Variants in ADAMTS12 observed in about 807,000 individuals in gnomAD.
The protein encoded by ADAMTS12 is A disintegrin and metalloproteinase with thrombospondin motifs 12.
A neutral mutation model predicts 167.8 loss-of-function variants in ADAMTS12; 118 were observed. That is an observed-to-expected ratio of 0.70 (90% CI 0.61 to 0.82). The LOEUF (loss-of-function observed/expected upper bound fraction) is 0.82, where lower values mean the gene tolerates loss of function less well. Ranked by LOEUF, ADAMTS12 falls within the 40% of genes least tolerant of loss-of-function variation. The pLI, the probability that ADAMTS12 is intolerant of heterozygous loss-of-function variation, is 0.00. For synonymous variants in ADAMTS12, 704 were observed against 716.9 expected, an observed-to-expected ratio of 0.98 and a Z score of 0.29; for missense variants, 1,916 against 1,998.8, an observed-to-expected ratio of 0.96 and a Z score of 0.79.
chr5:33,546,466 A>AGATTTAGATTTTTTATAAT (rs1178941716), intron 21 of ADAMTS12, among the ~76,000 whole-genome samples: 1 of 152,166 alleles, frequency 6.6e-6, no homozygotes, highest in Non-Finnish European at 1.5e-5. Flanking sequence ...AAAAGTCAGA[A>AGATTTAGATTTTTTATAAT]GATTTAGATT....
intron 14 of ADAMTS12, among the ~76,000 whole-genome samples, chr5:33,620,958 T>C (rs1739294743): frequency 6.6e-6 from 1 of 152,180 alleles, no homozygotes; most frequent in African/African-American, 2.4e-5. Flanking sequence ...GCTTAGCAAA[T>C]CAATTTTCTT....
chr5:33,682,787 T>C (rs943483948), intron 5 of ADAMTS12, among the ~76,000 whole-genome samples: 1 of 152,210 alleles, frequency 6.6e-6, no homozygotes, highest in Non-Finnish European at 1.5e-5. Context: ...TGTTATTAGA[T>C]ACAATGACTG....
intron 2 of ADAMTS12, among the ~76,000 whole-genome samples, chr5:33,804,344 C>T (rs1561281146): frequency 1.3e-5 from 2 of 152,222 alleles, no homozygotes; most frequent in South Asian, 2.1e-4. Flanking sequence ...GTGGTGCTCA[C>T]CTTCTGCACC....
At chr5:33,665,781 T>C (rs1741443254) in intron 5 of ADAMTS12, among the ~76,000 whole-genome samples, 1 of 152,110 alleles carries the variant, frequency 6.6e-6, no homozygotes, top group Admixed American at 6.6e-5. Flanking sequence ...GAGGGTCCAG[T>C]GGTGGGCTGG....
intron 3 of ADAMTS12, among the ~76,000 whole-genome samples, chr5:33,747,110 A>G (rs1314500324): frequency 6.6e-6 from 1 of 152,124 alleles, no homozygotes; most frequent in East Asian, 1.9e-4. Flanking sequence ...GCTGCTCCCT[A>G]TTTTTGCTCC....
intron 2 of ADAMTS12, among the ~76,000 whole-genome samples, chr5:33,783,765 A>G (rs575929321): frequency 6.6e-6 from 1 of 152,088 alleles, no homozygotes; most frequent in South Asian, 2.1e-4. Context: ...TTCAATGATC[A>G]ATTTTATCCA....
rs145879189 is a variant in ADAMTS12 at position 33,658,464 on chromosome 5, A to G, written c.1041-131T>C. 142 of 1,035,794 alleles carry G rather than the reference A, an allele frequency of 1.4e-4. 1 individual carries two copies. In the East Asian group the frequency reaches 2.1e-3, roughly 15 times the overall value. The allele number at this position is 1,035,794 out of a possible 1,614,324, so 64.2% of individuals were successfully genotyped here. On this transcript the variant is annotated intron_variant, in intron 6 of 23. Coordinates refer to ENST00000504830, the MANE Select transcript of ADAMTS12 (RefSeq NM_030955.4). ...ATGCTTGGCATTTTTTAAAAAGTCT[A>G]CATGAATGTAGGCAGCAATTTTGAA... is the stretch of plus-strand genomic sequence containing the variant.
intron 21 of ADAMTS12, among the ~76,000 whole-genome samples, chr5:33,547,281 G>GTGTT (rs1745031028): frequency 6.6e-6 from 1 of 152,096 alleles, no homozygotes; most frequent in African/African-American, 2.4e-5. Flanking sequence ...CATCTTCTGA[G>GTGTT]TGTTTGTTAG....
intron 22 of ADAMTS12, among the ~76,000 whole-genome samples, chr5:33,538,387 G>A (rs758028422): frequency 6.6e-6 from 1 of 152,182 alleles, no homozygotes; most frequent in African/African-American, 2.4e-5. Context: ...CTTGACACGT[G>A]AGAATTACAA....
At chr5:33,848,009 G>A (rs574837142) in intron 2 of ADAMTS12, among the ~76,000 whole-genome samples, 1 of 152,246 alleles carries the variant, frequency 6.6e-6, no homozygotes, top group South Asian at 2.1e-4. Context: ...GAGGTCAAGA[G>A]TTTGAGACCA....
chr5:33,588,198 C>G (rs818725), intron 18 of ADAMTS12, among the ~76,000 whole-genome samples: 33,146 of 152,076 alleles, frequency 0.22, 3,732 homozygotes, highest in Non-Finnish European at 0.25. Flanking sequence ...TCAAGCGACA[C>G]TCTTTTGGTT....
rs192478929 is a variant in ADAMTS12 at position 33,550,905 on chromosome 5, C to T, written c.4126-1522G>A. On this transcript the variant is annotated intron_variant, in intron 20 of 23. Transcript: ENST00000504830. ...ATCAACATTGAATTATGAGAAAATG[C>T]CAGCTGGGAGGGCTCCCAGTGGGCT... is the stretch of plus-strand genomic sequence containing the variant. Among the ~76,000 whole-genome samples, 384 of 152,202 alleles carry T rather than the reference C, an allele frequency of 2.5e-3. 1 individual carries two copies. The highest frequency in any genetic ancestry group is 6.8e-3 in the Middle Eastern group (2 of 294).
chr5:33,585,930 T>C (rs527702949), intron 18 of ADAMTS12, among the ~76,000 whole-genome samples: 3 of 152,160 alleles, frequency 2.0e-5, no homozygotes, highest in African/African-American at 7.2e-5. Flanking sequence ...AGTGCTTTGA[T>C]AAGGAAAGGA....
chr5:33,643,412 G>A lies in ADAMTS12; in HGVS notation c.1538C>T (p.Ala513Val). ...VKGFCRSKLD[A>V]AADGTQCGEK... ...ACCACATTGAGTTCCATCTGCAGCA[G>A]CGTCCAGCTTAGAGCGACAAAAGCC... is the stretch of plus-strand genomic sequence containing the variant. Residue 513 changes from alanine to valine, a missense_variant, in exon 10 of 24, where the codon GCT (alanine) becomes GTT (valine). Transcript: ENST00000504830. The A allele has an allele frequency of 2.5e-6, 4 of 1,614,140 alleles. No individual in the cohort carries two copies. Among genetic ancestry groups the A allele is most frequent in the Non-Finnish European group, 3.4e-6 (4 of 1,179,980 alleles).
intron 2 of ADAMTS12, among the ~76,000 whole-genome samples, chr5:33,864,832 C>T (rs1003528055): frequency 4.6e-4 from 70 of 152,044 alleles, no homozygotes; most frequent in African/African-American, 1.6e-3. Flanking sequence ...CACATCAGGG[C>T]CTGTAGGGGG....
Position 33,527,286 on chromosome 5 carries a change from C to T in ADAMTS12, c.4687G>A (p.Val1563Met), listed in dbSNP as rs952508108. The change falls in exon 24 of 24, where the codon GTG (valine) becomes ATG (methionine). Residue 1563 changes from valine to methionine, a missense_variant. Val to Met is a conservative substitution (Grantham distance 21). Coordinates refer to ENST00000504830, the MANE Select transcript of ADAMTS12 (RefSeq NM_030955.4). ...KAMKKCSVPT[V>M]RAECCFSCPQ... ...CACGAGAAGCAGCACTCAGCCCTCA[C>T]GGTGGGCACAGAACATTTCTTCATG... 9.9e-6 allele frequency: 16 copies of T among 1,614,074 alleles called. No individual in the cohort carries two copies. Among genetic ancestry groups the T allele is most frequent in the South Asian group, 2.2e-5 (2 of 91,068 alleles).
At chr5:33,704,940 T>C (rs1946261) in intron 3 of ADAMTS12, among the ~76,000 whole-genome samples, 130,775 of 152,084 alleles carry the variant, frequency 0.86, 56,497 homozygotes, top group Non-Finnish European at 0.89. Context: ...TTTTTTCCTA[T>C]ATTTTATTCT....
chr5:33,891,493 T>G, intron 1 of ADAMTS12: 1 of 533,890 alleles, frequency 1.9e-6, no homozygotes. Flanking sequence ...TGCAGTGTCA[T>G]CCCTGTAAAA....
At chr5:33,605,303 C>T (rs1471246015) in intron 16 of ADAMTS12, among the ~76,000 whole-genome samples, 4 of 152,208 alleles carry the variant, frequency 2.6e-5, no homozygotes, top group Non-Finnish European at 5.9e-5. Flanking sequence ...TATTATTTCC[C>T]TTGACTGCTG....
Sources: allele counts gnomAD v4.1 joint callset (sites outside exome capture counted in the v4.1 genomes callset), GRCh38; gene constraint gnomAD v4.1.1; transcripts MANE v1.5; gene names NCBI Gene and HGNC (gene_info 2026-07-23, HGNC 2026-07-21).